XKR4: variants seen among roughly 807,000 people sequenced by gnomAD.
XKR4 encodes XK-related protein 4.
XKR4 carries 12 observed loss-of-function variants against 53.9 expected under a neutral mutation model. The ratio of observed to expected loss-of-function variants is 0.22; its 90% CI spans 0.14 to 0.36. XKR4 has a LOEUF of 0.36. Ranked by LOEUF, XKR4 falls within the 10% of genes least tolerant of loss-of-function variation. The pLI, the probability that XKR4 is intolerant of heterozygous loss-of-function variation, is 1.00. For synonymous variants in XKR4, 354 were observed against 362.4 expected, an observed-to-expected ratio of 0.98 and a Z score of 0.26; for missense variants, 799 against 859.5, an observed-to-expected ratio of 0.93 and a Z score of 0.88.
intron 1 of XKR4, among the ~76,000 whole-genome samples, chr8:55,291,313 T>C (rs1819016473): frequency 6.6e-6 from 1 of 152,240 alleles, no homozygotes; most frequent in Non-Finnish European, 1.5e-5. Context: ...CTTCTCATGT[T>C]ATTCTTCATC....
At chr8:55,484,056 A>G (rs1806156210) in intron 2 of XKR4, among the ~76,000 whole-genome samples, 1 of 152,216 alleles carries the variant, frequency 6.6e-6, no homozygotes, top group South Asian at 2.1e-4. Context: ...AATACCAGGA[A>G]TAACACTACT....
intron 1 of XKR4, among the ~76,000 whole-genome samples, chr8:55,294,115 T>C (rs1819066675): frequency 6.6e-6 from 1 of 152,234 alleles, no homozygotes; most frequent in South Asian, 2.1e-4. Flanking sequence ...CTTTGTTTCT[T>C]ATTATCCACC....
chr8:55,129,368 G>A (rs936571749), intron 1 of XKR4, among the ~76,000 whole-genome samples: 2 of 152,196 alleles, frequency 1.3e-5, no homozygotes, highest in African/African-American at 4.8e-5. Flanking sequence ...GGTGCCGGGA[G>A]GTAAAACTGC....
At chr8:55,207,629 TGCGCGC>T (rs374120842) in intron 1 of XKR4, among the ~76,000 whole-genome samples, 75 of 151,698 alleles carry the variant, frequency 4.9e-4, no homozygotes, top group Admixed American at 7.9e-4. Context: ...CACACACACA[TGCGCGC>T]GCACACACAC....
intron 1 of XKR4, among the ~76,000 whole-genome samples, chr8:55,296,761 AG>A (rs1819107335): frequency 6.6e-6 from 1 of 152,130 alleles, no homozygotes; most frequent in South Asian, 2.1e-4. Flanking sequence ...AGATTGGAGA[AG>A]TCAAGCAGGA....
intron 2 of XKR4, among the ~76,000 whole-genome samples, chr8:55,370,378 G>A (rs1050929042): frequency 1.2e-4 from 18 of 152,196 alleles, no homozygotes; most frequent in Non-Finnish European, 2.1e-4. Flanking sequence ...ATAATTCTCA[G>A]AAGTGTTCTA....
At chr8:55,129,587 T>A (rs1816525868) in intron 1 of XKR4, among the ~76,000 whole-genome samples, 1 of 152,038 alleles carries the variant, frequency 6.6e-6, no homozygotes, top group Admixed American at 6.6e-5. Context: ...GAGGCCAGAT[T>A]TTTGAGAGTG....
intron 1 of XKR4, among the ~76,000 whole-genome samples, chr8:55,104,316 T>C (rs189998225): frequency 7.9e-5 from 12 of 152,312 alleles, no homozygotes; most frequent in Non-Finnish European, 1.6e-4. Flanking sequence ...TTCTAACATG[T>C]CAGAGCTTTT....
intron 2 of XKR4, among the ~76,000 whole-genome samples, chr8:55,505,444 G>A (rs1170470445): frequency 6.6e-6 from 1 of 152,174 alleles, no homozygotes; most frequent in Non-Finnish European, 1.5e-5. Flanking sequence ...CCAGCTACCT[G>A]AGAAGCTGAT....
At chr8:55,145,644 T>G (rs959350129) in intron 1 of XKR4, among the ~76,000 whole-genome samples, 1 of 152,214 alleles carries the variant, frequency 6.6e-6, no homozygotes, top group Non-Finnish European at 1.5e-5. Context: ...ATATACATAC[T>G]TTTTAACTCA....
At chr8:55,183,890 T>C (rs532310203) in intron 1 of XKR4, among the ~76,000 whole-genome samples, 1 of 152,190 alleles carries the variant, frequency 6.6e-6, no homozygotes, top group Non-Finnish European at 1.5e-5. Context: ...CCTATTAGTG[T>C]TCTCTTTATG....
At chr8:55,367,981 G>A (rs1195847487) in intron 2 of XKR4, among the ~76,000 whole-genome samples, 2 of 151,868 alleles carry the variant, frequency 1.3e-5, no homozygotes, top group Non-Finnish European at 2.9e-5. Context: ...GTTTTTTTGA[G>A]ACAGAGTCTC....
At chr8:55,298,636 C>T (rs991440351) in intron 1 of XKR4, among the ~76,000 whole-genome samples, 12 of 152,138 alleles carry the variant, frequency 7.9e-5, no homozygotes, top group African/African-American at 2.7e-4. Context: ...CACCAGGCCC[C>T]ATCTCCAACA....
intron 1 of XKR4, among the ~76,000 whole-genome samples, chr8:55,329,122 T>C (rs911720504): frequency 2.0e-5 from 3 of 152,162 alleles, no homozygotes; most frequent in African/African-American, 7.2e-5. Flanking sequence ...TTTTCAACCG[T>C]GAAACTTGAG....
At chr8:55,428,602 A>G (rs1805054006) in intron 2 of XKR4, among the ~76,000 whole-genome samples, 3 of 152,224 alleles carry the variant, frequency 2.0e-5, no homozygotes, top group Non-Finnish European at 4.4e-5. Flanking sequence ...CCTGCTAGGC[A>G]GCGAGTCTGC....
At position 55,290,153 on chromosome 8, in the gene XKR4, G is replaced by T. The variant is rs533783083; in HGVS notation, c.807-67525G>T. 8.0e-5 allele frequency among the ~76,000 whole-genome samples: 11 copies of T among 138,286 alleles called. No homozygotes were observed. The South Asian group carries it at 1.4e-3, about 18-fold the overall frequency. 90.7% of individuals were successfully genotyped at this position (138,286 alleles called of 152,430 possible). ...TAATTTTTTTTTTTTTTTTTGAGATGGAGTCTCACCCTGTCACCCGGGCTA... is the reference window on the plus strand; with the variant it reads ...TAATTTTTTTTTTTTTTTTTGAGATTGAGTCTCACCCTGTCACCCGGGCTA... On this transcript the variant is annotated intron_variant, in intron 1 of 2. Transcript: ENST00000327381.
chr8:55,165,437 G>T (rs1468119371), intron 1 of XKR4, among the ~76,000 whole-genome samples: 1 of 151,754 alleles, frequency 6.6e-6, no homozygotes, highest in Admixed American at 6.6e-5. Context: ...TGCCTGAATA[G>T]TTCATATAAA....
At chr8:55,316,524 G>T (rs543405870) in intron 1 of XKR4, among the ~76,000 whole-genome samples, 4 of 152,318 alleles carry the variant, frequency 2.6e-5, no homozygotes, top group Non-Finnish European at 5.9e-5. Context: ...ATTTACAGAT[G>T]ACATTGGAAG....
chr8:55,354,400 TG>T (rs1368618751), intron 1 of XKR4, among the ~76,000 whole-genome samples: 2 of 152,152 alleles, frequency 1.3e-5, no homozygotes, highest in Non-Finnish European at 2.9e-5. Context: ...GAGAATCTGC[TG>T]GGAATAGATT....
Sources: gnomAD v4.1 joint callset for allele counts (sites outside exome capture counted in the v4.1 genomes callset) on GRCh38, gnomAD v4.1.1 for gene constraint, MANE v1.5 for transcripts, NCBI Gene and HGNC (gene_info 2026-07-23, HGNC 2026-07-21) for gene names.